GRM7: variants seen among roughly 807,000 people sequenced by gnomAD.
GRM7 encodes glutamate metabotropic receptor 7, also known as metabotropic glutamate receptor 7.
A neutral mutation model predicts 84.5 loss-of-function variants in GRM7; 35 were observed. The observed-to-expected ratio is 0.41, with a 90% CI of 0.32 to 0.55. The LOEUF (loss-of-function observed/expected upper bound fraction) is 0.55. Among genes scored for constraint, GRM7 ranks in the 20% least tolerant of loss-of-function variants. GRM7 has a pLI of 0.19. For synonymous variants in GRM7, 487 were observed against 455.1 expected, an observed-to-expected ratio of 1.07 and a Z score of -0.89; for missense variants, 1,003 against 1,194.6, an observed-to-expected ratio of 0.84 and a Z score of 2.36.
intron 2 of GRM7, among the ~76,000 whole-genome samples, chr3:7,274,822 G>A (rs773790351): frequency 1.7e-4 from 26 of 152,060 alleles, no homozygotes; most frequent in Middle Eastern, 3.4e-3. Flanking sequence ...CTGTGGTTTT[G>A]TGTCTGATAT....
intron 7 of GRM7, among the ~76,000 whole-genome samples, chr3:7,538,308 C>G (rs1207863030): frequency 1.3e-5 from 2 of 152,134 alleles, no homozygotes; most frequent in African/African-American, 4.8e-5. Flanking sequence ...GATGGAGTTT[C>G]ACCATGTTGG....
chr3:7,362,288 A>G (rs1257942288), intron 4 of GRM7, among the ~76,000 whole-genome samples: 5 of 152,078 alleles, frequency 3.3e-5, no homozygotes, highest in African/African-American at 7.2e-5. Context: ...GAACATTTTG[A>G]AACACAGCAT....
At chr3:7,499,771 C>T (rs985423217) in intron 7 of GRM7, among the ~76,000 whole-genome samples, 36 of 147,918 alleles carry the variant, frequency 2.4e-4, no homozygotes, top group African/African-American at 1.3e-4. Flanking sequence ...TTGGCCTAGA[C>T]ACCATTCTTT....
intron 1 of GRM7, among the ~76,000 whole-genome samples, chr3:6,872,616 C>T (rs923029441): frequency 1.9e-4 from 29 of 152,026 alleles, no homozygotes; most frequent in African/African-American, 6.5e-4. Flanking sequence ...TCCCTTAGCC[C>T]CCCCAACCCC....
chr3:6,975,359 C>T (rs1693949210), intron 1 of GRM7, among the ~76,000 whole-genome samples: 1 of 152,146 alleles, frequency 6.6e-6, no homozygotes, highest in Non-Finnish European at 1.5e-5. Context: ...ATGGCTCTGT[C>T]TAATAAGAAA....
At position 7,296,039 on chromosome 3, in the gene GRM7, G is replaced by A. The variant is rs954649678; in HGVS notation, c.737-2645G>A. ...TATAGATGCCTATTATTAGGCTAAG[G>A]AAATTCTCTTCTAATTCTAGTTTAC... On this transcript the variant is annotated intron_variant, in intron 2 of 9. Coordinates refer to ENST00000357716, the MANE Select transcript of GRM7 (RefSeq NM_000844.4). 3.9e-5 allele frequency among the ~76,000 whole-genome samples: 6 copies of A among 151,954 alleles called. No individual in the cohort carries two copies. In the South Asian group the frequency reaches 6.2e-4, roughly 16 times the overall value.
At position 6,862,435 on chromosome 3, in the gene GRM7, G is replaced by A. The variant is rs1694786464; in HGVS notation, c.519+528G>A. On this transcript the variant is annotated intron_variant, in intron 1 of 9. Transcript: ENST00000357716. The surrounding 1 kb of genome is among the most constrained non-coding windows in gnomAD (Gnocchi z 5.2). ...GAGGGCTCCGTCTTAACCTAGATGT[G>A]GATGTTAAGTCCGCATCTCCCTCGG... Among the ~76,000 whole-genome samples, 1 of 152,062 alleles carries A rather than the reference G, an allele frequency of 6.6e-6. No individual in the cohort carries two copies. Among genetic ancestry groups the A allele is most frequent in the Admixed American group, 6.5e-5 (1 of 15,278 alleles).
At chr3:7,694,670 C>G (rs1159894127) in intron 9 of GRM7, among the ~76,000 whole-genome samples, 1 of 152,126 alleles carries the variant, frequency 6.6e-6, no homozygotes, top group Non-Finnish European at 1.5e-5. Context: ...AATTTCATAA[C>G]ACAACGCATG....
chr3:7,218,018 A>G (rs1267351420), intron 2 of GRM7, among the ~76,000 whole-genome samples: 1 of 152,052 alleles, frequency 6.6e-6, no homozygotes, highest in African/African-American at 2.4e-5. Context: ...CTATCAAAAT[A>G]TATTTAGCCA....
intron 1 of GRM7, among the ~76,000 whole-genome samples, chr3:7,062,481 A>G (rs1697464015): frequency 6.6e-6 from 1 of 151,808 alleles, no homozygotes; most frequent in Non-Finnish European, 1.5e-5. Flanking sequence ...GTATTTAGCT[A>G]TAAAGGAACA....
chr3:7,105,753 A>G (rs1692605265), intron 1 of GRM7, among the ~76,000 whole-genome samples: 1 of 151,850 alleles, frequency 6.6e-6, no homozygotes, highest in Admixed American at 6.6e-5. Flanking sequence ...AGTTATGTCC[A>G]AAAATGAAAA....
chr3:7,058,133 T>C (rs1007466403), intron 1 of GRM7, among the ~76,000 whole-genome samples: 2 of 151,914 alleles, frequency 1.3e-5, no homozygotes, highest in Admixed American at 6.6e-5. Context: ...AAACAGACTT[T>C]CGGCCTATTT....
At chr3:7,000,915 A>G (rs1207340017) in intron 1 of GRM7, among the ~76,000 whole-genome samples, 1 of 152,194 alleles carries the variant, frequency 6.6e-6, no homozygotes, top group African/African-American at 2.4e-5. Context: ...GACTATAGGA[A>G]TCCTTCAAGG....
At chr3:7,457,347 T>G (rs568283606) in intron 6 of GRM7, among the ~76,000 whole-genome samples, 78 of 152,304 alleles carry the variant, frequency 5.1e-4, no homozygotes, top group African/African-American at 1.9e-3. Context: ...TAATTTAGTT[T>G]TTATCATGCC....
intron 4 of GRM7, among the ~76,000 whole-genome samples, chr3:7,310,945 C>CT: frequency 6.6e-6 from 1 of 152,166 alleles, no homozygotes; most frequent in East Asian, 1.9e-4. Context: ...CCCTTCCATA[C>CT]TTTCCTTTCC....
At position 6,966,176 on chromosome 3, in the gene GRM7, A is replaced by AT. The variant is rs558165499; in HGVS notation, c.519+104277dup. 2.9e-4 allele frequency among the ~76,000 whole-genome samples: 44 copies of AT among 152,168 alleles called. No homozygotes were observed. In the South Asian group the frequency reaches 7.3e-3, roughly 25 times the overall value. On this transcript the variant is annotated intron_variant, in intron 1 of 9. Transcript: ENST00000357716. ...CATCAGTATGAGCTAGATTCATGGA[A>AT]TTTTTTTTATACTTCCAGAATTTAT...
chr3:7,329,833 A>G (rs1269384986), intron 4 of GRM7, among the ~76,000 whole-genome samples: 1 of 152,138 alleles, frequency 6.6e-6, no homozygotes, highest in Non-Finnish European at 1.5e-5. Context: ...CATAACATAT[A>G]TGCATCTATT....
At chr3:7,085,940 A>G (rs371954322) in intron 1 of GRM7, among the ~76,000 whole-genome samples, 1 of 136,544 alleles carries the variant, frequency 7.3e-6, no homozygotes, top group East Asian at 2.0e-4. Flanking sequence ...TATAGTTAAT[A>G]AAATAAAATG....
intron 1 of GRM7, among the ~76,000 whole-genome samples, chr3:7,085,746 T>C (rs2125002472): frequency 6.6e-6 from 1 of 152,070 alleles, no homozygotes; most frequent in Non-Finnish European, 1.5e-5. Context: ...CTTTTGCTGG[T>C]GAAATGTGTA....
Sources: allele counts gnomAD v4.1 joint callset (sites outside exome capture counted in the v4.1 genomes callset), GRCh38; gene constraint gnomAD v4.1.1; non-coding constraint Gnocchi (gnomAD v3.1); transcripts MANE v1.5; gene names NCBI Gene and HGNC (gene_info 2026-07-23, HGNC 2026-07-21).